Variants in NINJ1 observed in about 807,000 individuals in gnomAD.
NINJ1 encodes the protein ninjurin 1.
In NINJ1, 6 loss-of-function variants were observed where a neutral mutation model predicts 12.7. The ratio of observed to expected loss-of-function variants is 0.47; its 90% CI spans 0.26 to 0.93. NINJ1 has a LOEUF of 0.93. Among genes scored for constraint, NINJ1 ranks in the 40% least tolerant of loss-of-function variants. The pLI, the probability that NINJ1 is intolerant of heterozygous loss-of-function variation, is 0.15. For synonymous variants in NINJ1, 100 were observed against 96.0 expected (o/e 1.04, Z -0.25); for missense variants, 170 against 213.0 (o/e 0.80, Z 1.26).
In NINJ1 at chr9:93,126,645, G is replaced by A. The variant is rs1309810712; in HGVS notation, c.76-7C>T. On this transcript the variant is annotated splice_region_variant and splice_polypyrimidine_tract_variant and intron_variant, in intron 1 of 3. Transcript: ENST00000375446. ...TCCAGCCCCAGCGGGCCGGCTGCAG[G>A]GAGGGGAATGGTCAGCAAGGCGGGT... is the stretch of plus-strand genomic sequence containing the variant. 6.3e-7 allele frequency: 1 copy of A among 1,590,070 alleles called. No homozygotes were observed.
At chr9:93,123,801 G>T (rs949392418) in intron 3 of NINJ1, among the ~76,000 whole-genome samples, 2 of 152,242 alleles carry the variant, frequency 1.3e-5, no homozygotes, top group African/African-American at 2.4e-5. Context: ...TGGCCTGGCT[G>T]CATGGACTGT....
intron 1 of NINJ1, among the ~76,000 whole-genome samples, chr9:93,128,768 G>C (rs1827848284): frequency 6.6e-6 from 1 of 152,104 alleles, no homozygotes; most frequent in South Asian, 2.1e-4. Context: ...ACCTTCTGGG[G>C]GCATCTACAC....
chr9:93,126,569 C>T lies in NINJ1; in HGVS notation c.145G>A (p.Glu49Lys), dbSNP rs1414360698. The T allele has an allele frequency of 6.2e-7, 1 of 1,613,956 alleles. No individual in the cohort carries two copies. Among genetic ancestry groups the T allele is most frequent in the Admixed American group, 1.7e-5 (1 of 60,004 alleles). The change falls in exon 2 of 4, where the codon GAG becomes AAG. Residue 49 changes from glutamate to lysine, a missense_variant. Transcript: ENST00000375446. ...AGCAGCGCGATGTCCAGCATGCTCT[C>T]GGCTGCGCTCTTCTTGCTGGCGTAA... ...NHYASKKSAA[E>K]SMLDIALLMA...
At chr9:93,133,789 G>A (rs1272849577) in intron 1 of NINJ1, among the ~76,000 whole-genome samples, 1 of 152,056 alleles carries the variant, frequency 6.6e-6, no homozygotes, top group East Asian at 1.9e-4. Context: ...AGAGAGGCCC[G>A]CGCGAGAGTG....
At position 93,134,125 on chromosome 9, in the gene NINJ1, G is replaced by GA. The variant is rs566895797; in HGVS notation, c.75+17_75+18insT. The stretch of plus-strand genomic sequence containing the variant: ...CAGGGCCTGGCAAGATCATGCAGCG[G>GA]TGGGGGGAAGGTCTTACCGAGGCGT... On this transcript the variant is annotated intron_variant, in intron 1 of 3. Transcript: ENST00000375446. 2.0e-3 allele frequency: 3,058 copies of GA among 1,540,952 alleles called. 43 individuals are homozygous for GA. The African/African-American group carries it at 0.034, about 17-fold the overall frequency.
intron 1 of NINJ1, among the ~76,000 whole-genome samples, chr9:93,129,251 A>G (rs527691526): frequency 2.0e-5 from 3 of 152,316 alleles, no homozygotes; most frequent in African/African-American, 7.2e-5. Flanking sequence ...GGGGCTCAGA[A>G]GCTCTGGTAG....
chr9:93,132,708 C>A (rs1827913748), intron 1 of NINJ1, among the ~76,000 whole-genome samples: 1 of 152,220 alleles, frequency 6.6e-6, no homozygotes. Context: ...CCCTCTGGTG[C>A]CCAGAGCCAA....
rs150031694 is a variant in NINJ1, at chr9:93,126,570, G to C, written c.144C>G (p.Ala48=). The C allele has an allele frequency of 9.3e-6, 15 of 1,613,870 alleles. No homozygotes were observed. The highest frequency in any genetic ancestry group is 1.3e-5 in the Non-Finnish European group (15 of 1,179,950). Residue 48 remains alanine, a synonymous_variant, in exon 2 of 4, where the codon GCC becomes GCG. Transcript: ENST00000375446. ...VNHYASKKSA[A]ESMLDIALLM... Reference sequence around the variant, plus strand: ...GCAGCGCGATGTCCAGCATGCTCTCGGCTGCGCTCTTCTTGCTGGCGTAAT... The same window carrying C: ...GCAGCGCGATGTCCAGCATGCTCTCCGCTGCGCTCTTCTTGCTGGCGTAAT...
chr9:93,129,373 G>A (rs887013226), intron 1 of NINJ1, among the ~76,000 whole-genome samples: 1 of 152,232 alleles, frequency 6.6e-6, no homozygotes, highest in East Asian at 1.9e-4. Context: ...TGTGTACCAC[G>A]AGGCTGTGGA....
chr9:93,134,107 T>G, intron 1 of NINJ1, 36 bp downstream of exon 1: 1 of 1,501,840 alleles, frequency 6.7e-7, no homozygotes, highest in Non-Finnish European at 9.0e-7. Flanking sequence ...GGACAGGGCC[T>G]GGCAAGATCA....
chr9:93,124,798 G>C, intron 3 of NINJ1, 101 bp downstream of exon 3: 1 of 1,279,328 alleles, frequency 7.8e-7, no homozygotes, highest in Non-Finnish European at 1.1e-6. Flanking sequence ...GGCCTAGGAA[G>C]GTGTCCAAGG....
chr9:93,123,841 G>A (rs555552098), intron 3 of NINJ1, among the ~76,000 whole-genome samples: 1 of 152,376 alleles, frequency 6.6e-6, no homozygotes, highest in South Asian at 2.1e-4. Flanking sequence ...CCTGGCCATG[G>A]CTGCATCCCA....
intron 1 of NINJ1, among the ~76,000 whole-genome samples, chr9:93,130,901 G>A (rs1827884416): frequency 6.6e-6 from 1 of 152,192 alleles, no homozygotes; most frequent in Admixed American, 6.5e-5. Flanking sequence ...GTGCCTGGGG[G>A]GTCCCAGTCT....
rs528177680 is a variant in NINJ1, at chr9:93,123,527, G to A, written c.*10-1297C>T. Among the ~76,000 whole-genome samples, 3 of 152,264 alleles carry A rather than the reference G, an allele frequency of 2.0e-5. No individual in the cohort carries two copies. The South Asian group carries it at 6.2e-4, about 32-fold the overall frequency. ...TCAAGCTCCCGACCTCAGGTGATCC[G>A]CTTGCCTCAGCCACCCAAAGTGCTG... On this transcript the variant is annotated intron_variant, in intron 3 of 3. Coordinates refer to ENST00000375446, the MANE Select transcript of NINJ1 (RefSeq NM_004148.4).
At chr9:93,133,306 G>C (rs73524733) in intron 1 of NINJ1, among the ~76,000 whole-genome samples, 21,312 of 152,252 alleles carry the variant, frequency 0.14, 3,301 homozygotes, top group African/African-American at 0.39. Context: ...GCCATGGAGA[G>C]GCCTGGAAAA....
At chr9:93,131,052 G>A (rs1431645917) in intron 1 of NINJ1, among the ~76,000 whole-genome samples, 3 of 152,206 alleles carry the variant, frequency 2.0e-5, no homozygotes, top group East Asian at 1.9e-4. Context: ...TGGGGCTTCC[G>A]GCATCCCTTG....
chr9:93,126,604 T>C lies in NINJ1; in HGVS notation c.110A>G (p.Asn37Ser). The change falls in exon 2 of 4, where the codon AAC becomes AGC. Residue 37 changes from asparagine (N) to serine (S), a missense_variant. Asn to Ser is a conservative substitution (Grantham distance 46). Coordinates refer to ENST00000375446, the MANE Select transcript of NINJ1 (RefSeq NM_004148.4). ...CTTCTTGCTGGCGTAATGGTTCACG[T>C]TGATGGGCCCGTGCCTCCAGCCCCA... ...ARWGWRHGPI[N>S]VNHYASKKSA... 3 of 1,611,498 alleles carry C rather than the reference T, an allele frequency of 1.9e-6. No homozygotes were observed. Among genetic ancestry groups the C allele is most frequent in the Non-Finnish European group, 2.5e-6 (3 of 1,178,342 alleles).
At chr9:93,132,234 G>A (rs541433681) in intron 1 of NINJ1, among the ~76,000 whole-genome samples, 8 of 152,356 alleles carry the variant, frequency 5.3e-5, no homozygotes, top group East Asian at 1.9e-4. Flanking sequence ...TGGGCCCCCA[G>A]GCTGGGTGAG....
chr9:93,127,015 G>A (rs72618189), intron 1 of NINJ1, among the ~76,000 whole-genome samples: 10,715 of 151,746 alleles, frequency 0.071, 640 homozygotes, highest in East Asian at 0.24. Flanking sequence ...CAGAGTCTGA[G>A]CTCCTGATGC....
Sources: allele counts gnomAD v4.1 joint callset (sites outside exome capture counted in the v4.1 genomes callset), GRCh38; gene constraint gnomAD v4.1.1; transcripts MANE v1.5; gene names NCBI Gene and HGNC (gene_info 2026-07-23, HGNC 2026-07-21).